PDE3B: variants seen among roughly 807,000 people sequenced by gnomAD.
PDE3B encodes phosphodiesterase 3B.
Under a neutral mutation model 116.8 loss-of-function variants are expected in PDE3B, and 66 were observed. The observed-to-expected ratio is 0.56, with a 90% CI of 0.46 to 0.69. PDE3B has a LOEUF of 0.69. Ranked by LOEUF, PDE3B falls within the 30% of genes least tolerant of loss-of-function variation. The pLI is 0.00. For missense variants in PDE3B, 1,384 were observed against 1,368.1 expected (o/e 1.01, Z -0.18); for synonymous variants, 595 against 533.6 (o/e 1.12, Z -1.59).
At chr11:14,697,684 T>C (rs948481347) in intron 1 of PDE3B, among the ~76,000 whole-genome samples, 1 of 152,152 alleles carries the variant, frequency 6.6e-6, no homozygotes, top group Non-Finnish European at 1.5e-5. Context: ...ATTGGCATCA[T>C]AGCAATATTG....
intron 7 of PDE3B, among the ~76,000 whole-genome samples, chr11:14,825,197 T>C (rs1211303086): frequency 6.6e-6 from 1 of 152,020 alleles, no homozygotes; most frequent in Non-Finnish European, 1.5e-5. Context: ...CACAGTTAAG[T>C]ACACAGACCC....
rs867457557 is a variant in PDE3B, at chr11:14,667,236, A to G, written c.978+22183A>G. ...ACTCATAGGTGGGAATTGAACAATG[A>G]GAACACATGGACACAGGAAGGGGAA... On this transcript the variant is annotated intron_variant, in intron 1 of 15. Coordinates refer to ENST00000282096, the MANE Select transcript of PDE3B (RefSeq NM_000922.4). 9.5e-3 allele frequency among the ~76,000 whole-genome samples: 1,436 copies of G among 150,642 alleles called. 17 individuals are homozygous for G. Among genetic ancestry groups the G allele is most frequent in the African/African-American group, 0.033 (1,352 of 40,948 alleles).
At chr11:14,847,034 T>C (rs1288229301) in intron 12 of PDE3B, among the ~76,000 whole-genome samples, 2 of 152,124 alleles carry the variant, frequency 1.3e-5, no homozygotes, top group African/African-American at 2.4e-5. Context: ...CAACAGAATA[T>C]ACATTTTTTT....
rs1853272752 is a variant in PDE3B at position 14,643,990 on chromosome 11, C to A, written c.-86C>A. On this transcript the variant is annotated 5_prime_UTR_variant, in exon 1 of 16. Coordinates refer to ENST00000282096, the MANE Select transcript of PDE3B (RefSeq NM_000922.4). ...GTTGCGAACCAGGGGGCGCCCCGAACGCGGGGGTTGGGGTCTGGGAGCGCG... is the reference window on the plus strand; with the variant it reads ...GTTGCGAACCAGGGGGCGCCCCGAAAGCGGGGGTTGGGGTCTGGGAGCGCG... 1.5e-6 allele frequency: 2 copies of A among 1,375,102 alleles called. No individual in the cohort carries two copies. The highest frequency in any genetic ancestry group is 1.9e-6 in the Non-Finnish European group (2 of 1,072,090). 85.2% of individuals were successfully genotyped at this position (1,375,102 alleles called of 1,614,324 possible).
At chr11:14,756,240 T>C (rs551379089) in intron 1 of PDE3B, among the ~76,000 whole-genome samples, 13 of 152,166 alleles carry the variant, frequency 8.5e-5, no homozygotes, top group Non-Finnish European at 1.8e-4. Flanking sequence ...TATCAAGATA[T>C]ATTATAATCT....
chr11:14,653,451 C>T (rs191723450), intron 1 of PDE3B, among the ~76,000 whole-genome samples: 214 of 151,812 alleles, frequency 1.4e-3, no homozygotes, highest in African/African-American at 4.7e-3. Context: ...AAAACACATC[C>T]GCCCTCGGGA....
At chr11:14,861,503 T>A in intron 14 of PDE3B, 137 bp downstream of exon 14, 2 of 770,014 alleles carry the variant, frequency 2.6e-6, no homozygotes, top group South Asian at 1.7e-5. Context: ...TTGTTGCATT[T>A]GCTTTGGTTC....
intron 1 of PDE3B, among the ~76,000 whole-genome samples, chr11:14,655,617 A>T (rs1335710535): frequency 1.3e-5 from 2 of 152,160 alleles, no homozygotes; most frequent in Admixed American, 1.3e-4. Flanking sequence ...CATGAGACAC[A>T]ATTGTGTAAC....
intron 1 of PDE3B, among the ~76,000 whole-genome samples, chr11:14,684,644 G>A (rs1260537929): frequency 7.2e-5 from 11 of 152,130 alleles, no homozygotes; most frequent in Non-Finnish European, 1.2e-4. Flanking sequence ...GTACTGTAGG[G>A]AACCAGGGCA....
rs1194189357 is a variant in PDE3B, at chr11:14,788,870, C to T, written c.1279-236C>T. ...GTAAAATGTACAAAAGAAAAAGAATCTAGCTTAAATTATAGAGTTCAGACA... is the reference window on the plus strand; with the variant it reads ...GTAAAATGTACAAAAGAAAAAGAATTTAGCTTAAATTATAGAGTTCAGACA... On this transcript the variant is annotated intron_variant, in intron 3 of 15. Coordinates refer to ENST00000282096, the MANE Select transcript of PDE3B (RefSeq NM_000922.4). The T allele has an allele frequency of 1.0e-5, 3 of 294,802 alleles. No individual in the cohort carries two copies. The East Asian group carries it at 1.7e-4, about 17-fold the overall frequency. The allele number at this position is 294,802 out of a possible 1,614,324, so 18.3% of individuals were successfully genotyped here. A position where few individuals can be genotyped will look rare whatever the true frequency, so the allele number is the denominator to read the frequency against.
Position 14,831,787 on chromosome 11 carries a change from C to G in PDE3B, c.2094+10C>G. The G allele has an allele frequency of 1.3e-6, 2 of 1,577,868 alleles. No individual in the cohort carries two copies. Among genetic ancestry groups the G allele is most frequent in the Non-Finnish European group, 1.7e-6 (2 of 1,158,554 alleles). ...AAGGATTCTCAGTCAGGTTTGCTTT[C>G]AAATATCTACTTTTTAACTGTAAAT... On this transcript the variant is annotated intron_variant, in intron 9 of 15. Transcript: ENST00000282096.
chr11:14,738,902 A>G (rs919990193), intron 1 of PDE3B, among the ~76,000 whole-genome samples: 75 of 152,248 alleles, frequency 4.9e-4, no homozygotes, highest in African/African-American at 1.7e-3. Flanking sequence ...GTCAAAGACC[A>G]GATGGTTGCA....
chr11:14,674,742 A>G (rs1266343748), intron 1 of PDE3B, among the ~76,000 whole-genome samples: 1 of 152,192 alleles, frequency 6.6e-6, no homozygotes, highest in African/African-American at 2.4e-5. Flanking sequence ...TCTATGTAGC[A>G]CTTACACTTA....
intron 1 of PDE3B, chr11:14,698,768 G>C (rs1240663688): frequency 6.6e-6 from 1 of 151,912 alleles, no homozygotes; most frequent in Non-Finnish European, 1.5e-5. Context: ...TCAAAATAGA[G>C]TATGGTTGTC....
intron 4 of PDE3B, 27 bp from the exon 5 acceptor site, chr11:14,803,917 T>G (rs1420007337): frequency 7.6e-7 from 1 of 1,312,810 alleles, no homozygotes; most frequent in African/African-American, 1.5e-5. Flanking sequence ...TTTTTAAAAA[T>G]TTTAACCTGT....
At chr11:14,735,897 G>A (rs972303894) in intron 1 of PDE3B, among the ~76,000 whole-genome samples, 2 of 151,996 alleles carry the variant, frequency 1.3e-5, no homozygotes, top group African/African-American at 4.8e-5. Flanking sequence ...CAGTGAGGAA[G>A]AGAACACGGA....
At chr11:14,666,278 T>G (rs11023300) in intron 1 of PDE3B, among the ~76,000 whole-genome samples, 2 of 144,962 alleles carry the variant, frequency 1.4e-5, no homozygotes, top group Non-Finnish European at 3.0e-5. Flanking sequence ...ATACAAAAAT[T>G]AATTCAAGAT....
intron 1 of PDE3B, among the ~76,000 whole-genome samples, chr11:14,677,042 G>GTTT (rs1854550957): frequency 6.6e-6 from 1 of 152,106 alleles, no homozygotes; most frequent in Non-Finnish European, 1.5e-5. Context: ...TTCCAGCACT[G>GTTT]TTTTGTTGAA....
chr11:14,878,994 CTG>C, the PDE3B span: 1 of 817,384 alleles, frequency 1.2e-6, no homozygotes, highest in Non-Finnish European at 2.0e-6. Flanking sequence ...AGAATCAGTT[CTG>C]TGTTTTTAGA....
Sources: gnomAD v4.1 joint callset for allele counts (sites outside exome capture counted in the v4.1 genomes callset) on GRCh38, gnomAD v4.1.1 for gene constraint, MANE v1.5 for transcripts, NCBI Gene and HGNC (gene_info 2026-07-23, HGNC 2026-07-21) for gene names.